The following DYTN variants were observed in gnomAD, a reference collection of about 807,000 sequenced individuals.
DYTN encodes dystrotelin.
A neutral mutation model predicts 69.6 loss-of-function variants in DYTN; 75 were observed. The observed-to-expected ratio is 1.08, with a 90% CI of 0.89 to 1.31. DYTN has a LOEUF of 1.31. Among genes scored for constraint, DYTN ranks in the 50% most tolerant of loss-of-function variants. The pLI, the probability that DYTN is intolerant of heterozygous loss-of-function variation, is 0.00. For synonymous variants in DYTN, 252 were observed against 249.1 expected, an observed-to-expected ratio of 1.01 and a Z score of -0.11; for missense variants, 726 against 688.4, an observed-to-expected ratio of 1.05 and a Z score of -0.61.
chr2:206,663,689 A>G (rs1201264713), intron 10 of DYTN, among the ~76,000 whole-genome samples: 2 of 152,242 alleles, frequency 1.3e-5, no homozygotes, highest in African/African-American at 4.8e-5. Context: ...ACCATAAGGA[A>G]TTTCTGAAAA....
rs376810245 is a variant in DYTN at position 206,663,297 on chromosome 2, A to T, written c.1239T>A (p.Asp413Glu). 3.1e-6 allele frequency: 5 copies of T among 1,613,902 alleles called. No individual in the cohort carries two copies. Among genetic ancestry groups the T allele is most frequent in the Non-Finnish European group, 4.2e-6 (5 of 1,179,906 alleles). Residue 413 changes from aspartate (D) to glutamate (E), a missense_variant, in exon 11 of 12, where the codon GAT (aspartate) becomes GAA (glutamate). By Grantham distance (45) the Asp-to-Glu change is conservative. Coordinates refer to ENST00000452335, the MANE Select transcript of DYTN (RefSeq NM_001093730.1). ...CAGTGGCATTCTTGATCTGCAAATA[A>T]TCCCCTCCCTTTGGAACCTTTTCAG... ...SSTEKVPKGGDYLQIKNATED... is the reference protein window; with the variant it reads ...SSTEKVPKGGEYLQIKNATED...
rs778939275 is a variant in DYTN at position 206,693,256 on chromosome 2, C to T, written c.899G>A (p.Cys300Tyr). 10 of 1,613,714 alleles carry T rather than the reference C, an allele frequency of 6.2e-6. No homozygotes were observed. Among genetic ancestry groups the T allele is most frequent in the Admixed American group, 5.0e-5 (3 of 60,030 alleles). The change falls in exon 9 of 12, where the codon TGT (cysteine) becomes TAT (tyrosine). Residue 300 changes from cysteine (C) to tyrosine (Y), a missense_variant. Coordinates refer to ENST00000452335, the MANE Select transcript of DYTN (RefSeq NM_001093730.1). The stretch of plus-strand genomic sequence containing the variant: ...CCTTCTCGCTGCTTCTTTCTTCCTA[C>T]AGCGCCCCTGAAGAAGGTTGTTTCT... ...TLRNNLLQGR[C>Y]RKKEAARRQQ... is the part of the protein sequence containing the mutation.
In DYTN at chr2:206,651,828, T is replaced by A; in HGVS notation, c.1727A>T (p.Asn576Ile). The A allele has an allele frequency of 6.2e-7, 1 of 1,613,568 alleles. No homozygotes were observed. Among genetic ancestry groups the A allele is most frequent in the Non-Finnish European group, 8.5e-7 (1 of 1,179,552 alleles). Residue 576 changes from asparagine to isoleucine, a missense_variant, in exon 12 of 12, where the codon AAT becomes ATT. Physicochemically the swap from Asn to Ile is moderately radical, Grantham distance 149. Coordinates refer to ENST00000452335, the MANE Select transcript of DYTN (RefSeq NM_001093730.1). ...AGCCTGGACTCCATTTCACTTCAAA[T>A]TGGGCAAGGCAATTTGATCAACAAG... ...SALVDQIALP[N>I]LK
At chr2:206,657,691 C>T (rs185702032) in intron 11 of DYTN, among the ~76,000 whole-genome samples, 2 of 152,070 alleles carry the variant, frequency 1.3e-5, no homozygotes, top group Admixed American at 1.3e-4. Context: ...AATATATTAT[C>T]CCATTTCTGT....
At chr2:206,659,006 A>G (rs1462777204) in intron 11 of DYTN, among the ~76,000 whole-genome samples, 1 of 149,720 alleles carries the variant, frequency 6.7e-6, no homozygotes, top group Non-Finnish European at 1.5e-5. Flanking sequence ...TTTTTGCCAC[A>G]GCAGAGGCAA....
At chr2:206,692,262 C>T (rs1699871501) in intron 9 of DYTN, among the ~76,000 whole-genome samples, 1 of 141,886 alleles carries the variant, frequency 7.0e-6, no homozygotes, top group Non-Finnish European at 1.5e-5. Context: ...GAGATCTTGT[C>T]TCTAAAAAAA....
chr2:206,688,297 T>C (rs1699833275), intron 9 of DYTN, among the ~76,000 whole-genome samples: 1 of 152,224 alleles, frequency 6.6e-6, no homozygotes, highest in Non-Finnish European at 1.5e-5. Flanking sequence ...AAATCATACC[T>C]GAATGAAGCT....
intron 11 of DYTN, among the ~76,000 whole-genome samples, chr2:206,656,787 A>C (rs897920905): frequency 7.2e-6 from 1 of 139,592 alleles, no homozygotes. Flanking sequence ...TTTGAGACGG[A>C]GTTTCACTCT....
At chr2:206,710,622 A>T in intron 1 of DYTN, 24 bp from the exon 2 acceptor site, 1 of 1,534,046 alleles carries the variant, frequency 6.5e-7, no homozygotes, top group Non-Finnish European at 8.9e-7. Context: ...GTAAAATATT[A>T]TGAATAAAGT....
chr2:206,693,982 A>G (rs1339920245), intron 8 of DYTN, among the ~76,000 whole-genome samples: 1 of 152,234 alleles, frequency 6.6e-6, no homozygotes, highest in East Asian at 1.9e-4. Flanking sequence ...AGATTCAGGC[A>G]CTTGACTTTT....
Position 206,707,316 on chromosome 2 carries a change from C to T in DYTN, c.282G>A (p.Thr94=), listed in dbSNP as rs1173370474. 5 of 1,611,790 alleles carry T rather than the reference C, an allele frequency of 3.1e-6. No individual in the cohort carries two copies. The highest frequency in any genetic ancestry group is 2.7e-5 in the African/African-American group (2 of 75,010). Residue 94 remains threonine, a synonymous_variant, in exon 3 of 12, where the codon ACG becomes ACA. Coordinates refer to ENST00000452335, the MANE Select transcript of DYTN (RefSeq NM_001093730.1). ...RAPELTLSLL[T]TMYNSKGTGF... is the part of the protein sequence containing the mutation. ...CACACCCTCACCTGTTGTACATTGT[C>T]GTGAGAAGGCTCAGAGTGAGTTCCG...
At chr2:206,659,765 T>C (rs1467888403) in intron 11 of DYTN, among the ~76,000 whole-genome samples, 2 of 152,172 alleles carry the variant, frequency 1.3e-5, no homozygotes, top group African/African-American at 2.4e-5. Context: ...TAGGATCATA[T>C]TCAATATCAA....
In DYTN at chr2:206,699,482, G is replaced by C. The variant is rs375070210; in HGVS notation, c.719+245C>G. ...AAGACAAAATGTATTCCCCTTAGAG[G>C]AAGAAAAATGTCTATTAGTCACATT... On this transcript the variant is annotated intron_variant, in intron 7 of 11. Coordinates refer to ENST00000452335, the MANE Select transcript of DYTN (RefSeq NM_001093730.1). 1.2e-3 allele frequency among the ~76,000 whole-genome samples: 178 copies of C among 152,254 alleles called. 4 individuals carry two copies. Among genetic ancestry groups the C allele is most frequent in the African/African-American group, 4.0e-3 (166 of 41,546 alleles).
At chr2:206,670,305 A>G (rs1405023593) in intron 9 of DYTN, among the ~76,000 whole-genome samples, 1 of 152,220 alleles carries the variant, frequency 6.6e-6, no homozygotes, top group African/African-American at 2.4e-5. Context: ...ATGCTTAACT[A>G]CTCAAATACA....
At chr2:206,692,256 T>C (rs1202328049) in intron 9 of DYTN, among the ~76,000 whole-genome samples, 1 of 148,734 alleles carries the variant, frequency 6.7e-6, no homozygotes, top group Non-Finnish European at 1.5e-5. Flanking sequence ...CAGAGTGAGA[T>C]CTTGTCTCTA....
chr2:206,703,220 G>A (rs1246898535), intron 5 of DYTN, among the ~76,000 whole-genome samples: 1 of 152,146 alleles, frequency 6.6e-6, no homozygotes, highest in African/African-American at 2.4e-5. Context: ...AGCACAAAGA[G>A]TTCTCTAGAA....
intron 9 of DYTN, among the ~76,000 whole-genome samples, chr2:206,686,157 A>G (rs1170249218): frequency 1.3e-5 from 2 of 152,152 alleles, no homozygotes; most frequent in East Asian, 3.8e-4. Flanking sequence ...TTTTGCCCCC[A>G]TGATCTTACT....
Position 206,663,018 on chromosome 2 carries a change from G to T in DYTN, c.1518C>A (p.Ala506=), listed in dbSNP as rs577427521. 2 of 1,613,498 alleles carry T rather than the reference G, an allele frequency of 1.2e-6. No homozygotes were observed. The highest frequency in any genetic ancestry group is 1.1e-5 in the South Asian group (1 of 91,036). ...PAEMSSPALA[A]VEKKEAGNIK... is the part of the protein sequence containing the mutation. The stretch of plus-strand genomic sequence containing the variant: ...TGTTACCTGCCTCTTTCTTTTCCAC[G>T]GCTGCCAGAGCAGGACTGCTCATTT... Residue 506 remains alanine (A), a synonymous_variant, in exon 11 of 12, where the codon GCC becomes GCA. Coordinates refer to ENST00000452335, the MANE Select transcript of DYTN (RefSeq NM_001093730.1).
At chr2:206,678,493 A>G (rs1007047633) in intron 9 of DYTN, among the ~76,000 whole-genome samples, 3 of 152,268 alleles carry the variant, frequency 2.0e-5, no homozygotes, top group Non-Finnish European at 4.4e-5. Context: ...AGAACAATGT[A>G]TAAGAATTTT....
Sources: gnomAD v4.1 joint callset for allele counts (sites outside exome capture counted in the v4.1 genomes callset) on GRCh38, gnomAD v4.1.1 for gene constraint, MANE v1.5 for transcripts, NCBI Gene and HGNC (gene_info 2026-07-23, HGNC 2026-07-21) for gene names.